Variants in EIF4G3 observed in about 807,000 individuals in gnomAD.
EIF4G3 encodes eukaryotic translation initiation factor 4 gamma 3, also known as eIF-4-gamma 3.
In EIF4G3, 34 loss-of-function variants were observed where a neutral mutation model predicts 186.4. The observed-to-expected ratio is 0.18, with a 90% CI of 0.14 to 0.24. The LOEUF (loss-of-function observed/expected upper bound fraction) is 0.24, where lower values mean the gene tolerates loss of function less well. EIF4G3 is among the 10% of genes least tolerant of loss of function. EIF4G3 has a pLI of 1.00. For synonymous variants in EIF4G3, 673 were observed against 679.5 expected (o/e 0.99, Z 0.15); for missense variants, 1,536 against 1,948.5 (o/e 0.79, Z 3.99).
intron 2 of EIF4G3, among the ~76,000 whole-genome samples, chr1:21,131,901 G>A (rs1453834179): frequency 6.6e-6 from 1 of 152,030 alleles, no homozygotes; most frequent in African/African-American, 2.4e-5. Context: ...GAGCCTAGGA[G>A]GTCAAGGCTG....
intron 14 of EIF4G3, among the ~76,000 whole-genome samples, chr1:20,906,493 T>C (rs1009334612): frequency 6.6e-6 from 1 of 152,222 alleles, no homozygotes; most frequent in African/African-American, 2.4e-5. Flanking sequence ...AGAACAATTT[T>C]TTGGAGGATT....
chr1:21,162,384 C>T (rs2097781001), intron 2 of EIF4G3, among the ~76,000 whole-genome samples: 1 of 149,188 alleles, frequency 6.7e-6, no homozygotes, highest in Non-Finnish European at 1.5e-5. Flanking sequence ...AGGAGGTGGA[C>T]GTTGCAGTGA....
intron 2 of EIF4G3, among the ~76,000 whole-genome samples, chr1:21,145,572 G>T (rs79559646): frequency 1.3e-5 from 2 of 151,894 alleles, no homozygotes; most frequent in Non-Finnish European, 2.9e-5. Context: ...GCTATGCTAC[G>T]TGTTTTATCA....
intron 14 of EIF4G3, among the ~76,000 whole-genome samples, chr1:20,926,716 G>A (rs2094926418): frequency 6.7e-6 from 1 of 150,234 alleles, no homozygotes; most frequent in African/African-American, 2.4e-5. Context: ...TTCTTACCAG[G>A]GTGGTGATTT....
intron 33 of EIF4G3, among the ~76,000 whole-genome samples, chr1:20,818,881 G>A (rs372592487): frequency 6.6e-6 from 1 of 152,110 alleles, no homozygotes; most frequent in African/African-American, 2.4e-5. Flanking sequence ...TCATCTGATT[G>A]TTCCGTTTCT....
intron 3 of EIF4G3, among the ~76,000 whole-genome samples, chr1:21,062,535 ACG>A (rs1038380434): frequency 6.6e-6 from 1 of 152,222 alleles, no homozygotes; most frequent in African/African-American, 2.4e-5. Context: ...ATCTAGCACC[ACG>A]GAGAAGACGT....
intron 2 of EIF4G3, among the ~76,000 whole-genome samples, chr1:21,157,653 A>T (rs2097688137): frequency 6.6e-6 from 1 of 152,070 alleles, no homozygotes. Context: ...TCTTTTGTAT[A>T]TTCTTCAATA....
rs66560662 is a variant in EIF4G3 at position 20,868,090 on chromosome 1, C to CTTTTTTTTTTTTTTTTTTT, written c.2623-2829_2623-2828insAAAAAAAAAAAAAAAAAAA. Reference sequence around the variant, plus strand: ...GAGAATAGTGATTCATGGTGATTTTCTTTTTTTTTTTTTTTTGTCCTTAGG... The same window carrying CTTTTTTTTTTTTTTTTTTT: ...GAGAATAGTGATTCATGGTGATTTTCTTTTTTTTTTTTTTTTTTTTTTTTTTTTTTTTTTTGTCCTTAGG... On this transcript the variant is annotated intron_variant, in intron 20 of 36. Coordinates refer to ENST00000602326, the MANE Select transcript of EIF4G3 (RefSeq NM_001391906.1). 8.5e-4 allele frequency among the ~76,000 whole-genome samples: 77 copies of CTTTTTTTTTTTTTTTTTTT among 90,426 alleles called. 8 individuals are homozygous for CTTTTTTTTTTTTTTTTTTT. Among genetic ancestry groups the CTTTTTTTTTTTTTTTTTTT allele is most frequent in the Non-Finnish European group, 9.4e-4 (47 of 49,738 alleles). The allele number at this position is 90,426 out of a possible 152,430, so 59.3% of individuals were successfully genotyped here.
intron 2 of EIF4G3, among the ~76,000 whole-genome samples, chr1:21,162,267 A>T (rs900705143): frequency 6.6e-6 from 1 of 152,086 alleles, no homozygotes; most frequent in Admixed American, 6.6e-5. Context: ...CCCGGCCAAC[A>T]TGGAGAAACC....
At chr1:20,955,381 A>G (rs2096382458) in intron 12 of EIF4G3, among the ~76,000 whole-genome samples, 2 of 151,958 alleles carry the variant, frequency 1.3e-5, no homozygotes, top group Non-Finnish European at 2.9e-5. Flanking sequence ...ACAGGTGTGT[A>G]CCAACATGCC....
At chr1:21,140,920 G>C (rs1475885770) in intron 2 of EIF4G3, among the ~76,000 whole-genome samples, 1 of 152,058 alleles carries the variant, frequency 6.6e-6, no homozygotes, top group East Asian at 1.9e-4. Context: ...AAAATAACGT[G>C]TTCTAAAATA....
At position 20,827,606 on chromosome 1, in the gene EIF4G3, G is replaced by GT. The variant is rs777205424; in HGVS notation, c.4269+10dup. The GT allele has an allele frequency of 6.4e-7, 1 of 1,564,370 alleles. No homozygotes were observed. The highest frequency in any genetic ancestry group is 1.4e-5 in the African/African-American group (1 of 73,900). On this transcript the variant is annotated intron_variant, in intron 32 of 36. Coordinates refer to ENST00000602326, the MANE Select transcript of EIF4G3 (RefSeq NM_001391906.1). ...AATACTGTTGAGTCTGACACTCAGT[G>GT]TAACACTCACCATTTGTTTGCATAG...
intron 2 of EIF4G3, among the ~76,000 whole-genome samples, chr1:21,132,497 G>A (rs781296319): frequency 6.6e-6 from 1 of 151,700 alleles, no homozygotes; most frequent in Non-Finnish European, 1.5e-5. Context: ...AGGCTAGAGT[G>A]CAGTGGTGCT....
intron 2 of EIF4G3, among the ~76,000 whole-genome samples, chr1:21,145,660 G>T (rs1442176433): frequency 6.6e-6 from 1 of 152,006 alleles, no homozygotes; most frequent in Non-Finnish European, 1.5e-5. Context: ...ATATTCAAGT[G>T]TGAATGGTAA....
chr1:20,916,162 A>G (rs894493244), intron 14 of EIF4G3, among the ~76,000 whole-genome samples: 9 of 152,168 alleles, frequency 5.9e-5, no homozygotes, highest in Non-Finnish European at 8.8e-5. Flanking sequence ...GAAACTCCAA[A>G]CCATTATTTA....
chr1:20,991,569 TAAAA>T (rs11393266), intron 7 of EIF4G3, among the ~76,000 whole-genome samples: 5 of 142,592 alleles, frequency 3.5e-5, no homozygotes, highest in Admixed American at 1.4e-4. Flanking sequence ...CTCTGTCTCA[TAAAA>T]AAAAAAAAAG....
At chr1:20,981,250 A>AATT in intron 8 of EIF4G3, 23 bp from the exon 9 acceptor site, 2 of 1,226,696 alleles carry the variant, frequency 1.6e-6, no homozygotes, top group South Asian at 1.7e-5. Flanking sequence ...GAAAAAAAAA[A>AATT]TTTTTTTTTT....
intron 12 of EIF4G3, among the ~76,000 whole-genome samples, chr1:20,961,963 T>C (rs2154564716): frequency 6.6e-6 from 1 of 152,340 alleles, no homozygotes; most frequent in South Asian, 2.1e-4. Context: ...TCAGTGCCTA[T>C]GACTGAGATG....
intron 3 of EIF4G3, among the ~76,000 whole-genome samples, chr1:21,073,469 G>A (rs900819332): frequency 6.6e-6 from 1 of 152,144 alleles, no homozygotes; most frequent in African/African-American, 2.4e-5. Flanking sequence ...CCACCTTAAG[G>A]CCTTGGAGCT....
Sources: gnomAD v4.1 joint callset for allele counts (sites outside exome capture counted in the v4.1 genomes callset) on GRCh38, gnomAD v4.1.1 for gene constraint, MANE v1.5 for transcripts, NCBI Gene and HGNC (gene_info 2026-07-23, HGNC 2026-07-21) for gene names.